Variants in COL25A1 observed in about 807,000 individuals in gnomAD.
COL25A1 encodes collagen type XXV alpha 1 chain, also known as collagen alpha-1(XXV) chain.
In COL25A1, 103 loss-of-function variants were observed where a neutral mutation model predicts 128.4. The ratio of observed to expected loss-of-function variants is 0.80; its 90% confidence interval spans 0.68 to 0.94. The LOEUF (loss-of-function observed/expected upper bound fraction) is 0.94, where lower values mean the gene tolerates loss of function less well. COL25A1 is among the 40% of genes least tolerant of loss of function. The pLI, the probability that COL25A1 is intolerant of heterozygous loss-of-function variation, is 0.00. For missense variants in COL25A1, 745 were observed against 840.0 expected, an observed-to-expected ratio of 0.89 and a Z score of 1.40; for synonymous variants, 279 against 277.2, an observed-to-expected ratio of 1.01 and a Z score of -0.06.
At chr4:109,200,544 G>A (rs911735239) in intron 3 of COL25A1, among the ~76,000 whole-genome samples, 1 of 151,968 alleles carries the variant, frequency 6.6e-6, no homozygotes, top group South Asian at 2.1e-4. Context: ...TGCAACCTCC[G>A]CCTCCTGGGT....
intron 3 of COL25A1, among the ~76,000 whole-genome samples, chr4:109,134,625 C>T (rs887897367): frequency 9.9e-5 from 15 of 152,160 alleles, no homozygotes; most frequent in Middle Eastern, 6.8e-3. Context: ...GAATATCACC[C>T]GGACTTGGTT....
At chr4:109,000,896 A>T (rs1755303754) in intron 6 of COL25A1, among the ~76,000 whole-genome samples, 1 of 148,476 alleles carries the variant, frequency 6.7e-6, no homozygotes, top group Non-Finnish European at 1.5e-5. Context: ...TCCTATTTGG[A>T]TGTGTGGAAA....
intron 3 of COL25A1, among the ~76,000 whole-genome samples, chr4:109,130,338 T>C (rs1243673833): frequency 6.6e-6 from 1 of 152,084 alleles, no homozygotes; most frequent in Admixed American, 6.5e-5. Flanking sequence ...TTCAAAATAC[T>C]CAAAATTTAG....
intron 8 of COL25A1, among the ~76,000 whole-genome samples, chr4:108,953,380 C>T (rs1353801387): frequency 1.3e-5 from 2 of 152,174 alleles, no homozygotes; most frequent in Admixed American, 6.5e-5. Context: ...TGCTTGAGGA[C>T]ATCCCTGAAC....
At chr4:109,001,436 G>T (rs1310459179) in intron 6 of COL25A1, among the ~76,000 whole-genome samples, 1 of 9,690 alleles carries the variant, frequency 1.0e-4, no homozygotes, top group African/African-American at 1.4e-4. Context: ...GAGCTAGAGG[G>T]TTTTAACTGT....
At chr4:108,984,706 G>C (rs1303676456) in intron 6 of COL25A1, among the ~76,000 whole-genome samples, 1 of 152,174 alleles carries the variant, frequency 6.6e-6, no homozygotes, top group African/African-American at 2.4e-5. Context: ...AGCACCGCGC[G>C]CAGCCCCTGT....
intron 3 of COL25A1, among the ~76,000 whole-genome samples, chr4:109,248,402 G>A (rs954331444): frequency 6.6e-6 from 1 of 152,198 alleles, no homozygotes; most frequent in African/African-American, 2.4e-5. Flanking sequence ...CTGGTTATCA[G>A]GGCAATTGTG....
chr4:108,936,930 C>A (rs1323234965), intron 11 of COL25A1, among the ~76,000 whole-genome samples: 1 of 151,694 alleles, frequency 6.6e-6, no homozygotes, highest in Non-Finnish European at 1.5e-5. Flanking sequence ...CAGGTATGAA[C>A]CCCCGTGCCC....
chr4:109,162,304 A>G (rs1187440778), intron 3 of COL25A1, among the ~76,000 whole-genome samples: 1 of 152,186 alleles, frequency 6.6e-6, no homozygotes, highest in Non-Finnish European at 1.5e-5. Context: ...TCAAAGTCAG[A>G]GAACTGCAAG....
intron 5 of COL25A1, among the ~76,000 whole-genome samples, chr4:109,013,364 C>G (rs1441150632): frequency 1.1e-4 from 5 of 44,214 alleles, no homozygotes; most frequent in Non-Finnish European, 1.7e-4. Flanking sequence ...AGCACCCTGT[C>G]AAAAATGGAC....
intron 3 of COL25A1, among the ~76,000 whole-genome samples, chr4:109,229,427 T>C (rs918274114): frequency 2.6e-5 from 4 of 152,222 alleles, no homozygotes; most frequent in Non-Finnish European, 5.9e-5. Context: ...TAAAGATACC[T>C]TATTTAATAT....
At chr4:109,248,350 T>C (rs1208968016) in intron 3 of COL25A1, among the ~76,000 whole-genome samples, 1 of 152,114 alleles carries the variant, frequency 6.6e-6, no homozygotes, top group Non-Finnish European at 1.5e-5. Context: ...AACAAGTGTG[T>C]CCAGAATATA....
At chr4:108,953,105 C>T (rs540957022) in intron 8 of COL25A1, among the ~76,000 whole-genome samples, 1 of 152,100 alleles carries the variant, frequency 6.6e-6, no homozygotes, top group Non-Finnish European at 1.5e-5. Flanking sequence ...TAACATCCAC[C>T]CTAAATAAGG....
At chr4:108,848,714 T>A in intron 27 of COL25A1, 45 bp downstream of exon 27, 1 of 1,340,824 alleles carries the variant, frequency 7.5e-7, no homozygotes, top group Non-Finnish European at 1.1e-6. Context: ...AAAGTAGTAA[T>A]CAAGAATGAT....
chr4:109,103,183 C>T (rs1318731852), intron 3 of COL25A1, among the ~76,000 whole-genome samples: 2 of 152,134 alleles, frequency 1.3e-5, no homozygotes, highest in African/African-American at 2.4e-5. Context: ...TAAACTAATA[C>T]ATCACTATGC....
intron 3 of COL25A1, among the ~76,000 whole-genome samples, chr4:109,252,350 C>T (rs972966306): frequency 6.6e-6 from 1 of 152,178 alleles, no homozygotes; most frequent in Non-Finnish European, 1.5e-5. Flanking sequence ...GTAGCCAGAT[C>T]ATCCTTTATG....
chr4:108,873,580 CAGT>C (rs1256991878), intron 19 of COL25A1, among the ~76,000 whole-genome samples: 10 of 149,244 alleles, frequency 6.7e-5, no homozygotes, highest in Non-Finnish European at 1.2e-4. Context: ...GCAGCAGTAG[CAGT>C]AGTAGTAGTA....
In COL25A1 at chr4:108,905,465, C is replaced by T. The variant is rs368097122; in HGVS notation, c.781-4293G>A. ...CACCAGCACGGCACATGTATACATA[C>T]GTAACTAACCTGCACAATGTGCACA... On this transcript the variant is annotated intron_variant, in intron 13 of 37. Transcript: ENST00000399132. Among the ~76,000 whole-genome samples the T allele has an allele frequency of 2.3e-3, 341 of 150,902 alleles. 2 individuals carry two copies. The highest frequency in any genetic ancestry group is 7.8e-3 in the African/African-American group (321 of 41,174).
chr4:109,256,383 C>A (rs1781089413), intron 3 of COL25A1, among the ~76,000 whole-genome samples: 1 of 152,000 alleles, frequency 6.6e-6, no homozygotes, highest in South Asian at 2.1e-4. Flanking sequence ...AGGTACATGT[C>A]CTTCAGCAGA....
Sources: allele counts gnomAD v4.1 joint callset (sites outside exome capture counted in the v4.1 genomes callset), GRCh38; gene constraint gnomAD v4.1.1; transcripts MANE v1.5; gene names NCBI Gene and HGNC (gene_info 2026-07-23, HGNC 2026-07-21).